The following STXBP5L variants were observed in gnomAD, a reference collection of about 807,000 sequenced individuals.
STXBP5L encodes syntaxin binding protein 5L.
STXBP5L carries 65 observed loss-of-function variants against 144.5 expected under a neutral mutation model. That is an observed-to-expected ratio of 0.45 (90% CI 0.37 to 0.55). The LOEUF (loss-of-function observed/expected upper bound fraction) is 0.55, where lower values mean the gene tolerates loss of function less well. STXBP5L is among the 20% of genes least tolerant of loss of function. The pLI, the probability that STXBP5L is intolerant of heterozygous loss-of-function variation, is 0.00. For synonymous variants in STXBP5L, 505 were observed against 469.6 expected (o/e 1.08, Z -0.97); for missense variants, 1,298 against 1,405.5 (o/e 0.92, Z 1.22).
intron 20 of STXBP5L, among the ~76,000 whole-genome samples, chr3:121,360,161 T>C (rs1382867506): frequency 6.7e-6 from 1 of 150,082 alleles, no homozygotes; most frequent in African/African-American, 2.4e-5. Context: ...AGTGATCTTC[T>C]TTTCTCTTCT....
At chr3:120,958,604 G>A (rs1325987879) in intron 3 of STXBP5L, among the ~76,000 whole-genome samples, 2 of 152,118 alleles carry the variant, frequency 1.3e-5, no homozygotes, top group Non-Finnish European at 2.9e-5. Context: ...TTCAACATAT[G>A]CAAATCAATA....
chr3:121,282,420 G>C, intron 19 of STXBP5L: 1 of 1,352,702 alleles, frequency 7.4e-7, no homozygotes, highest in Non-Finnish European at 1.0e-6. Flanking sequence ...TCAGTAATGT[G>C]TTTCTTAAAA....
At chr3:121,307,611 G>A (rs1402275618) in intron 19 of STXBP5L, among the ~76,000 whole-genome samples, 1 of 152,014 alleles carries the variant, frequency 6.6e-6, no homozygotes, top group Admixed American at 6.6e-5. Context: ...TAGGTTAATA[G>A]AGACAGTGCA....
intron 22 of STXBP5L, among the ~76,000 whole-genome samples, chr3:121,392,279 G>A (rs2046607843): frequency 6.6e-6 from 1 of 152,216 alleles, no homozygotes; most frequent in East Asian, 1.9e-4. Flanking sequence ...TTGGGCAGGA[G>A]TGCCCTGTTT....
intron 18 of STXBP5L, among the ~76,000 whole-genome samples, chr3:121,261,175 A>T (rs988658675): frequency 2.0e-5 from 3 of 152,118 alleles, no homozygotes; most frequent in East Asian, 1.9e-4. Context: ...AATAGATCAG[A>T]TAAAAAAACA....
intron 19 of STXBP5L, among the ~76,000 whole-genome samples, chr3:121,297,198 TTA>T (rs1414673832): frequency 1.2e-5 from 1 of 82,406 alleles, no homozygotes; most frequent in African/African-American, 4.4e-5. Flanking sequence ...TGATTCTACA[TTA>T]TATGTGTGTG....
At chr3:120,989,466 CT>C (rs1321481640) in intron 3 of STXBP5L, among the ~76,000 whole-genome samples, 1 of 152,098 alleles carries the variant, frequency 6.6e-6, no homozygotes, top group Admixed American at 6.6e-5. Flanking sequence ...AATTTGCCCA[CT>C]CTTTAATGGG....
chr3:121,132,526 T>G (rs3905999), intron 7 of STXBP5L, among the ~76,000 whole-genome samples: 146,636 of 152,292 alleles, frequency 0.96, 70,649 homozygotes, highest in African/African-American at 0.99. Context: ...ATTGGTGGGG[T>G]ACTTCTCTAT....
chr3:121,308,465 A>AT (rs34741102), intron 19 of STXBP5L, among the ~76,000 whole-genome samples: 113,327 of 152,026 alleles, frequency 0.75, 42,410 homozygotes, highest in East Asian at 0.93. Flanking sequence ...AACAAAGAGC[A>AT]TGTTAAGGTA....
intron 3 of STXBP5L, among the ~76,000 whole-genome samples, chr3:121,031,420 T>G (rs139040103): frequency 1.5e-5 from 2 of 132,194 alleles, no homozygotes; most frequent in Non-Finnish European, 3.3e-5. Flanking sequence ...ATCAATCAAC[T>G]ATCTAGATTG....
At chr3:121,387,463 T>A (rs968609548) in intron 22 of STXBP5L, among the ~76,000 whole-genome samples, 2 of 152,156 alleles carry the variant, frequency 1.3e-5, no homozygotes, top group Non-Finnish European at 2.9e-5. Context: ...GGTGTTTTAG[T>A]CATGAAGTCC....
chr3:121,202,075 C>A (rs1291537204), intron 9 of STXBP5L, among the ~76,000 whole-genome samples: 1 of 151,758 alleles, frequency 6.6e-6, no homozygotes, highest in African/African-American at 2.4e-5. Flanking sequence ...CTTTTTTTGT[C>A]CAATTTTTTG....
In STXBP5L at chr3:120,984,632, CTTTT is replaced by C. The variant is rs35656223; in HGVS notation, c.287+29614_287+29617del. ...TGGATGCCTTTCATTTCTTTCTTTC[CTTTT>C]TTTTTTTTTTTTTTTTTTGCCTAAT... On this transcript the variant is annotated intron_variant, in intron 3 of 26. Coordinates refer to ENST00000471454, the MANE Select transcript of STXBP5L (RefSeq NM_001308330.2). Among the ~76,000 whole-genome samples the C allele has an allele frequency of 2.5e-3, 182 of 71,984 alleles. 1 individual carries two copies. Among genetic ancestry groups the C allele is most frequent in the African/African-American group, 0.01 (166 of 16,306 alleles). The allele number at this position is 71,984 out of a possible 152,430, so 47.2% of individuals were successfully genotyped here.
intron 20 of STXBP5L, among the ~76,000 whole-genome samples, chr3:121,369,183 A>T (rs2045954957): frequency 6.6e-6 from 1 of 152,204 alleles, no homozygotes; most frequent in South Asian, 2.1e-4. Flanking sequence ...AAAATTGACC[A>T]AAATTAGCTG....
chr3:121,063,214 A>G (rs1292813153), intron 5 of STXBP5L, among the ~76,000 whole-genome samples: 1 of 152,062 alleles, frequency 6.6e-6, no homozygotes, highest in Non-Finnish European at 1.5e-5. Context: ...CTTTTTGTTG[A>G]TGTTGATACT....
intron 20 of STXBP5L, among the ~76,000 whole-genome samples, chr3:121,333,213 T>C (rs953948145): frequency 2.0e-5 from 3 of 152,078 alleles, no homozygotes; most frequent in Non-Finnish European, 2.9e-5. Flanking sequence ...AACATGATGA[T>C]TGGAACAGTA....
intron 5 of STXBP5L, among the ~76,000 whole-genome samples, chr3:121,052,833 G>A (rs1203906242): frequency 6.6e-6 from 1 of 152,072 alleles, no homozygotes; most frequent in Non-Finnish European, 1.5e-5. Flanking sequence ...ACATGATTGT[G>A]TATCTAGAAA....
At chr3:120,974,928 C>T (rs1379009418) in intron 3 of STXBP5L, among the ~76,000 whole-genome samples, 2 of 152,162 alleles carry the variant, frequency 1.3e-5, no homozygotes, top group African/African-American at 2.4e-5. Context: ...CAGTACCATG[C>T]TGTTTTGGTT....
chr3:120,951,370 C>T (rs1228432893), intron 2 of STXBP5L, among the ~76,000 whole-genome samples: 1 of 151,922 alleles, frequency 6.6e-6, no homozygotes. Flanking sequence ...ACAGGCAACC[C>T]ACAAAAATGG....
Sources: allele counts gnomAD v4.1 joint callset (sites outside exome capture counted in the v4.1 genomes callset), GRCh38; gene constraint gnomAD v4.1.1; transcripts MANE v1.5; gene names NCBI Gene and HGNC (gene_info 2026-07-23, HGNC 2026-07-21).